The following RAB27B variants were observed in gnomAD, a reference collection of about 807,000 sequenced individuals.
RAB27B encodes RAB27B, member RAS oncogene family.
A neutral mutation model predicts 24.6 loss-of-function variants in RAB27B; 15 were observed. The observed-to-expected ratio is 0.61, with a 90% CI of 0.41 to 0.94. The LOEUF (loss-of-function observed/expected upper bound fraction) is 0.94, where lower values mean the gene tolerates loss of function less well. RAB27B is among the 40% of genes least tolerant of loss of function. The pLI, the probability that RAB27B is intolerant of heterozygous loss-of-function variation, is 0.00. For synonymous variants in RAB27B, 105 were observed against 92.5 expected, an observed-to-expected ratio of 1.14 and a Z score of -0.78; for missense variants, 261 against 266.8, an observed-to-expected ratio of 0.98 and a Z score of 0.15.
At chr18:54,863,793 T>C (rs571977554) in intron 1 of RAB27B, among the ~76,000 whole-genome samples, 9 of 152,364 alleles carry the variant, frequency 5.9e-5, no homozygotes, top group Admixed American at 1.3e-4. Flanking sequence ...CTGATTTTGT[T>C]ACTTTAACAT....
chr18:54,837,458 G>A (rs530806778), intron 1 of RAB27B, among the ~76,000 whole-genome samples: 1 of 152,202 alleles, frequency 6.6e-6, no homozygotes, highest in Non-Finnish European at 1.5e-5. Flanking sequence ...GGCAGGTTGG[G>A]GGAGGAAGAA....
At chr18:54,852,027 A>G (rs1911609085) in intron 1 of RAB27B, among the ~76,000 whole-genome samples, 1 of 152,212 alleles carries the variant, frequency 6.6e-6, no homozygotes, top group Admixed American at 6.5e-5. Context: ...TTTCAGATAA[A>G]TACAGGTTGA....
intron 2 of RAB27B, among the ~76,000 whole-genome samples, chr18:54,765,607 A>T (rs1194829384): frequency 6.6e-6 from 1 of 152,124 alleles, no homozygotes; most frequent in African/African-American, 2.4e-5. Context: ...ACACTGAATT[A>T]TTTACTGCCT....
chr18:54,889,668 T>C lies in RAB27B; in HGVS notation c.*255T>C, dbSNP rs1913290051. On this transcript the variant is annotated 3_prime_UTR_variant, in exon 6 of 6. Coordinates refer to ENST00000262094, the MANE Select transcript of RAB27B (RefSeq NM_004163.4). ...CATCATGGATACTCAATTTGTTTTT[T>C]CTTATAGAGAAAATGAGTATATAAG... 3.1e-6 allele frequency: 1 copy of C among 325,300 alleles called. No homozygotes were observed. The highest frequency in any genetic ancestry group is 8.4e-5 in the South Asian group (1 of 11,896). The allele number at this position is 325,300 out of a possible 1,614,324, so 20.2% of individuals were successfully genotyped here.
intron 2 of RAB27B, among the ~76,000 whole-genome samples, chr18:54,757,912 A>C (rs902563583): frequency 6.7e-6 from 1 of 150,062 alleles, no homozygotes; most frequent in Non-Finnish European, 1.5e-5. Flanking sequence ...TGACAAATAC[A>C]AAAAAATCAC....
At chr18:54,752,427 G>T (rs1008139313) in intron 2 of RAB27B, among the ~76,000 whole-genome samples, 1 of 152,190 alleles carries the variant, frequency 6.6e-6, no homozygotes, top group Non-Finnish European at 1.5e-5. Flanking sequence ...TGATTCTCAT[G>T]TGCAAACAAG....
intron 2 of RAB27B, among the ~76,000 whole-genome samples, chr18:54,733,543 C>G (rs894195943): frequency 4.6e-5 from 7 of 151,950 alleles, no homozygotes; most frequent in Non-Finnish European, 7.4e-5. Context: ...GACTCTTGAT[C>G]TCTCTTGTTC....
chr18:54,812,215 T>A (rs1909984170), intron 2 of RAB27B, among the ~76,000 whole-genome samples: 1 of 152,170 alleles, frequency 6.6e-6, no homozygotes. Flanking sequence ...AATTTTAGAA[T>A]CTGGGTAATA....
At chr18:54,723,730 G>A (rs949360894) in intron 2 of RAB27B, among the ~76,000 whole-genome samples, 4 of 152,120 alleles carry the variant, frequency 2.6e-5, no homozygotes, top group African/African-American at 9.7e-5. Context: ...AATCTTCAAG[G>A]TATGCATCTA....
At chr18:54,725,517 A>G (rs1341488115) in intron 2 of RAB27B, among the ~76,000 whole-genome samples, 1 of 151,538 alleles carries the variant, frequency 6.6e-6, no homozygotes, top group Non-Finnish European at 1.5e-5. Context: ...GTGCATTCTC[A>G]TTATGCTATA....
intron 1 of RAB27B, among the ~76,000 whole-genome samples, chr18:54,844,697 G>A (rs1485053842): frequency 1.3e-5 from 2 of 152,092 alleles, no homozygotes; most frequent in Non-Finnish European, 1.5e-5. Flanking sequence ...GTGAACCACT[G>A]TGCCTGGCCA....
At chr18:54,755,082 C>T (rs1383186602) in intron 2 of RAB27B, among the ~76,000 whole-genome samples, 2 of 152,164 alleles carry the variant, frequency 1.3e-5, no homozygotes, top group Non-Finnish European at 2.9e-5. Flanking sequence ...TGCTTGCTTA[C>T]TTGCATTTTT....
intron 1 of RAB27B, among the ~76,000 whole-genome samples, chr18:54,875,540 GGTT>G (rs796286538): frequency 3.2e-4 from 22 of 68,142 alleles, no homozygotes; most frequent in African/African-American, 6.7e-4. Flanking sequence ...GCTTTGTCTA[GGTT>G]TTTTTTTTTT....
At chr18:54,765,316 C>T (rs1013554429) in intron 2 of RAB27B, among the ~76,000 whole-genome samples, 1 of 152,086 alleles carries the variant, frequency 6.6e-6, no homozygotes, top group Non-Finnish European at 1.5e-5. Flanking sequence ...ATTTCCCATT[C>T]CCTGGAGCCC....
chr18:54,751,241 T>C (rs1372669792), intron 2 of RAB27B, among the ~76,000 whole-genome samples: 1 of 151,786 alleles, frequency 6.6e-6, no homozygotes, highest in Non-Finnish European at 1.5e-5. Flanking sequence ...CAGAGAGATA[T>C]AAAGGAGGTG....
chr18:54,831,854 C>T (rs1910693311), intron 1 of RAB27B, among the ~76,000 whole-genome samples: 1 of 152,034 alleles, frequency 6.6e-6, no homozygotes, highest in Admixed American at 6.5e-5. Flanking sequence ...TGGCTCACTG[C>T]AACCTCCACA....
intron 2 of RAB27B, among the ~76,000 whole-genome samples, chr18:54,787,586 C>A (rs1909126903): frequency 6.6e-6 from 1 of 152,094 alleles, no homozygotes; most frequent in African/African-American, 2.4e-5. Flanking sequence ...AACACACACA[C>A]AAACACAGAA....
intron 1 of RAB27B, among the ~76,000 whole-genome samples, chr18:54,870,137 A>G (rs1241677416): frequency 1.3e-5 from 2 of 152,192 alleles, no homozygotes; most frequent in African/African-American, 4.8e-5. Flanking sequence ...CAAAGGTCAA[A>G]ACCACAGATT....
intron 2 of RAB27B, among the ~76,000 whole-genome samples, chr18:54,733,064 G>A (rs1375956697): frequency 6.6e-6 from 1 of 151,832 alleles, no homozygotes; most frequent in Non-Finnish European, 1.5e-5. Flanking sequence ...TATTTTTTTA[G>A]AGATGGGGTT....
Sources: allele counts gnomAD v4.1 joint callset (sites outside exome capture counted in the v4.1 genomes callset), GRCh38; gene constraint gnomAD v4.1.1; transcripts MANE v1.5; gene names NCBI Gene and HGNC (gene_info 2026-07-23, HGNC 2026-07-21).